Variants in BCL11A observed in about 807,000 individuals in gnomAD.
The protein encoded by BCL11A is BCL11 transcription factor A.
Under a neutral mutation model 55.9 loss-of-function variants are expected in BCL11A, and 2 were observed. The ratio of observed to expected loss-of-function variants is 0.04; its 90% CI spans 0.01 to 0.11. The LOEUF is 0.11. Among genes scored for constraint, BCL11A ranks in the 10% least tolerant of loss-of-function variants. The probability of loss-of-function intolerance (pLI) is 1.00; values close to 1 mark genes in which losing one functional copy is unlikely to be tolerated. For missense variants in BCL11A, 817 were observed against 1,137.1 expected, an observed-to-expected ratio of 0.72 and a Z score of 4.05; for synonymous variants, 465 against 473.4, an observed-to-expected ratio of 0.98 and a Z score of 0.23.
intron 2 of BCL11A, among the ~76,000 whole-genome samples, chr2:60,474,098 C>A (rs577892397): frequency 1.3e-5 from 2 of 152,224 alleles, no homozygotes; most frequent in South Asian, 4.2e-4. Flanking sequence ...TTGATCAATG[C>A]TATCCTCTTA....
At chr2:60,463,056 C>T (rs1391319674) in intron 3 of BCL11A, among the ~76,000 whole-genome samples, 1 of 152,160 alleles carries the variant, frequency 6.6e-6, no homozygotes, top group Non-Finnish European at 1.5e-5. Context: ...AAAATACTTC[C>T]GTGGAAAAAA....
At position 60,468,791 on chromosome 2, in the gene BCL11A, G is replaced by A. The variant is rs1378173735; in HGVS notation, c.428C>T (p.Ala143Val). The A allele has an allele frequency of 6.2e-7, 1 of 1,607,806 alleles. No homozygotes were observed. Among genetic ancestry groups the A allele is most frequent in the African/African-American group, 1.3e-5 (1 of 74,548 alleles). The change falls in exon 3 of 4, where the codon GCA becomes GTA. Residue 143 changes from alanine to valine, a missense_variant. Coordinates refer to ENST00000642384, the MANE Select transcript of BCL11A (RefSeq NM_022893.4). ...HWRGLSSPRS[A>V]HGALIPTPGM... is the part of the protein sequence containing the mutation. The stretch of plus-strand genomic sequence containing the variant: ...AGGCGTGGGGATTAGAGCTCCATGT[G>A]CAGAACGAGGGGAGGAGAGGCCCCT...
intron 3 of BCL11A, 112 bp from the exon 4 acceptor site, chr2:60,462,536 G>A: frequency 6.8e-7 from 1 of 1,466,996 alleles, no homozygotes; most frequent in African/African-American, 1.4e-5. Context: ...TCAACCCCAA[G>A]GCCTAAGCCC....
downstream of BCL11A, among the ~76,000 whole-genome samples, chr2:60,456,486 G>A (rs1023995593): frequency 6.6e-6 from 1 of 152,200 alleles, no homozygotes. Context: ...GTAGCATCTA[G>A]GGTTCCTGGG....
chr2:60,541,744 T>A, intron 2 of BCL11A: 1 of 523,610 alleles, frequency 1.9e-6, no homozygotes, highest in Non-Finnish European at 3.4e-6. Flanking sequence ...TTTGTGGTAG[T>A]GGTGTTTTTT....
intron 2 of BCL11A, among the ~76,000 whole-genome samples, chr2:60,479,730 G>A (rs891386219): frequency 1.3e-5 from 2 of 152,192 alleles, no homozygotes; most frequent in Admixed American, 1.3e-4. Flanking sequence ...TGTAATTCAA[G>A]GCAAAGAGTC....
chr2:60,522,835 G>A (rs1372571020), intron 2 of BCL11A: 1 of 152,228 alleles, frequency 6.6e-6, no homozygotes, highest in Admixed American at 6.5e-5. Flanking sequence ...ATATACAGCT[G>A]ACTAGATATG....
chr2:60,529,231 G>A (rs1179725591), intron 2 of BCL11A, among the ~76,000 whole-genome samples: 3 of 152,172 alleles, frequency 2.0e-5, no homozygotes, highest in South Asian at 2.1e-4. Flanking sequence ...AGTCATAACC[G>A]TAATAGTAAT....
intron 2 of BCL11A, among the ~76,000 whole-genome samples, chr2:60,482,251 A>G (rs1678003594): frequency 6.6e-6 from 1 of 150,736 alleles, no homozygotes; most frequent in African/African-American, 2.4e-5. Flanking sequence ...AAAAAATTGG[A>G]GCTGTATTTC....
intron 1 of BCL11A, among the ~76,000 whole-genome samples, chr2:60,549,094 G>A (rs1573101477): frequency 6.6e-6 from 1 of 152,142 alleles, no homozygotes; most frequent in South Asian, 2.1e-4. Context: ...AAGGGAGTGG[G>A]CAAATAATCA....
At chr2:60,502,728 C>T (rs763140301) in intron 2 of BCL11A, among the ~76,000 whole-genome samples, 1 of 152,222 alleles carries the variant, frequency 6.6e-6, no homozygotes, top group Non-Finnish European at 1.5e-5. Context: ...CAGAGAAAAA[C>T]AAATTTACCT....
At chr2:60,506,488 G>A (rs1679601823) in intron 2 of BCL11A, among the ~76,000 whole-genome samples, 1 of 152,242 alleles carries the variant, frequency 6.6e-6, no homozygotes, top group African/African-American at 2.4e-5. Context: ...AGGTGACAAA[G>A]ACCTCACTAG....
intron 2 of BCL11A, among the ~76,000 whole-genome samples, chr2:60,498,165 G>A (rs1679061078): frequency 6.6e-6 from 1 of 151,760 alleles, no homozygotes; most frequent in African/African-American, 2.4e-5. Context: ...CCCCAAGCAG[G>A]AAGGGCCTCT....
At chr2:60,495,843 C>A (rs916394476) in intron 2 of BCL11A, 4 of 152,326 alleles carry the variant, frequency 2.6e-5, no homozygotes, top group Admixed American at 2.6e-4. Flanking sequence ...ACCCTTGCCA[C>A]CATGGGAGCC....
chr2:60,518,304 G>A (rs1403044241), intron 2 of BCL11A, among the ~76,000 whole-genome samples: 3 of 152,104 alleles, frequency 2.0e-5, no homozygotes, highest in Non-Finnish European at 2.9e-5. Flanking sequence ...ATAGATAAAG[G>A]AGTCACAGGA....
At chr2:60,519,794 C>T (rs147343582) in intron 2 of BCL11A, among the ~76,000 whole-genome samples, 86 of 152,322 alleles carry the variant, frequency 5.6e-4, no homozygotes, top group Middle Eastern at 6.8e-3. Context: ...CCAGTCACAT[C>T]CTGTATTCTC....
intron 2 of BCL11A, chr2:60,528,343 C>T (rs1053860267): frequency 2.0e-5 from 3 of 152,590 alleles, no homozygotes; most frequent in African/African-American, 7.2e-5. Context: ...CCAAGCCACA[C>T]ACAAACAGTA....
At chr2:60,518,127 AC>A (rs1286427927) in intron 2 of BCL11A, among the ~76,000 whole-genome samples, 1 of 152,224 alleles carries the variant, frequency 6.6e-6, no homozygotes, top group African/African-American at 2.4e-5. Flanking sequence ...CCCTGTCTCT[AC>A]AAAAAGCTTA....
chr2:60,480,850 C>T (rs1677908945), intron 2 of BCL11A, among the ~76,000 whole-genome samples: 1 of 152,184 alleles, frequency 6.6e-6, no homozygotes, highest in South Asian at 2.1e-4. Context: ...CTATTCTCAT[C>T]CCCTACCTGC....
Sources: allele counts gnomAD v4.1 joint callset (sites outside exome capture counted in the v4.1 genomes callset), GRCh38; gene constraint gnomAD v4.1.1; transcripts MANE v1.5; gene names NCBI Gene and HGNC (gene_info 2026-07-23, HGNC 2026-07-21).